Variants in EGFL6 observed in about 807,000 individuals in gnomAD.
EGFL6 encodes epidermal growth factor-like protein 6.
Under a neutral mutation model 43.1 loss-of-function variants are expected in EGFL6, and 42 were observed. The ratio of observed to expected loss-of-function variants is 0.98; its 90% CI spans 0.76 to 1.26. The LOEUF (loss-of-function observed/expected upper bound fraction) is 1.26, where lower values mean the gene tolerates loss of function less well. EGFL6 is among the 50% of genes most tolerant of loss of function. The pLI is 0.00. For synonymous variants in EGFL6, 164 were observed against 163.2 expected (o/e 1.01, Z -0.04); for missense variants, 429 against 427.8 (o/e 1.00, Z -0.02).
In EGFL6 at chrX:13,589,569, G is replaced by C; in HGVS notation, c.88G>C (p.Gly30Arg). The change falls in exon 2 of 12, where the codon GGG becomes CGG. Residue 30 changes from glycine to arginine, a missense_variant. Gly to Arg is a moderately radical substitution (Grantham distance 125). Coordinates refer to ENST00000361306, the MANE Select transcript of EGFL6 (RefSeq NM_015507.4). Reference sequence around the variant, plus strand: ...CTTTATCTGCAGTGCAAGGCATCACGGGTTGTTAGCATCGGCACGTCAGCC... The same window carrying C: ...CTTTATCTGCAGTGCAAGGCATCACCGGTTGTTAGCATCGGCACGTCAGCC... ...FGNAASARHH[G>R]LLASARQPGV... 2.5e-6 allele frequency: 3 copies of C among 1,210,040 alleles called. No homozygotes were observed. The highest frequency in any genetic ancestry group is 3.4e-6 in the Non-Finnish European group (3 of 894,403).
intron 2 of EGFL6, among the ~76,000 whole-genome samples, chrX:13,590,618 C>T (rs140147545): frequency 0.011 from 1,180 of 112,187 alleles, 13 homozygotes; most frequent in African/African-American, 0.033. Flanking sequence ...CTGCCCCAAC[C>T]TCCTTCTCTC....
intron 3 of EGFL6, among the ~76,000 whole-genome samples, chrX:13,597,492 C>T (rs771322894): frequency 8.9e-6 from 1 of 112,024 alleles, no homozygotes; most frequent in South Asian, 3.7e-4. Flanking sequence ...CTTCAAGAAT[C>T]GTGCATTCAG....
At chrX:13,626,772 A>G (rs1037744213) in intron 10 of EGFL6, among the ~76,000 whole-genome samples, 3 of 112,445 alleles carry the variant, frequency 2.7e-5, no homozygotes, top group Non-Finnish European at 5.6e-5. Context: ...TGCTTTGTGT[A>G]TGCAAAAAAT....
rs1309216600 is a variant in EGFL6 at position 13,582,062 on chromosome X, T to C, written c.75-7494T>C. On this transcript the variant is annotated intron_variant, in intron 1 of 11. Transcript: ENST00000361306. Reference sequence around the variant, plus strand: ...AAAATTAGATATTCTATTTCTTTTCTTTTTTTTTTTTTCTTTTTGAGATGG... The same window carrying C: ...AAAATTAGATATTCTATTTCTTTTCCTTTTTTTTTTTTCTTTTTGAGATGG... Among the ~76,000 whole-genome samples the C allele has an allele frequency of 1.3e-4, 9 of 67,401 alleles. No individual in the cohort carries two copies. The South Asian group carries it at 3.7e-3, about 27-fold the overall frequency. The allele number at this position is 67,401 out of a possible 115,157, so 58.5% of individuals were successfully genotyped here.
rs1256781280 is a variant in EGFL6, at chrX:13,577,321, TATATATATATATATATATATACATAC to T, written c.74+7388_74+7413del. Among the ~76,000 whole-genome samples the T allele has an allele frequency of 1.0e-3, 17 of 16,932 alleles. 1 individual carries two copies. The highest frequency in any genetic ancestry group is 2.0e-3 in the African/African-American group (14 of 6,854). 14.7% of individuals were successfully genotyped at this position (16,932 alleles called of 115,157 possible). Reference sequence around the variant, plus strand: ...TTTTATATATATATATATATATATATATATATATATATATATATATACATACACACACACACATACAGTATAGCATT... The same window carrying T: ...TTTTATATATATATATATATATATATACACACACACATACAGTATAGCATT... On this transcript the variant is annotated intron_variant, in intron 1 of 11. Transcript: ENST00000361306.
intron 6 of EGFL6, among the ~76,000 whole-genome samples, 158 bp from the exon 7 acceptor site, chrX:13,608,166 G>A (rs1332956235): frequency 9.0e-6 from 1 of 111,550 alleles, no homozygotes; most frequent in East Asian, 2.8e-4. Flanking sequence ...AGGGCTGCTG[G>A]CCAATGAGCC....
chrX:13,589,752 G>T, intron 2 of EGFL6, 84 bp downstream of exon 2: 1 of 783,914 alleles, frequency 1.3e-6, no homozygotes, highest in Non-Finnish European at 1.8e-6. Flanking sequence ...CCACAAAATT[G>T]CCAGTGGATC....
chrX:13,589,421 A>G lies in EGFL6; in HGVS notation c.75-135A>G, dbSNP rs894800590. The G allele has an allele frequency of 1.5e-5, 7 of 470,364 alleles. No individual in the cohort carries two copies. In the African/African-American group the frequency reaches 1.7e-4, roughly 12 times the overall value. 38.8% of individuals were successfully genotyped at this position (470,364 alleles called of 1,213,427 possible). ...CAACCCCAAAATTCAGGTTTTCAAA[A>G]TCTAATTTAGCACTTACTGCGGGTT... On this transcript the variant is annotated intron_variant, in intron 1 of 11. Coordinates refer to ENST00000361306, the MANE Select transcript of EGFL6 (RefSeq NM_015507.4).
At chrX:13,623,152 A>G (rs1474274003) in intron 9 of EGFL6, among the ~76,000 whole-genome samples, 5 of 109,820 alleles carry the variant, frequency 4.6e-5, no homozygotes, top group Non-Finnish European at 9.5e-5. Context: ...TTGTGCCACT[A>G]CACTCCAGCC....
At chrX:13,586,778 A>G (rs994109946) in intron 1 of EGFL6, among the ~76,000 whole-genome samples, 3 of 112,363 alleles carry the variant, frequency 2.7e-5, no homozygotes, top group African/African-American at 9.7e-5. Flanking sequence ...TTGTGCACCA[A>G]TGTTCATAGC....
intron 3 of EGFL6, among the ~76,000 whole-genome samples, chrX:13,595,876 T>C (rs1000749627): frequency 6.4e-5 from 7 of 110,075 alleles, no homozygotes; most frequent in African/African-American, 2.3e-4. Flanking sequence ...CACACCACCA[T>C]GCCTGGCTAC....
intron 4 of EGFL6, among the ~76,000 whole-genome samples, chrX:13,600,577 A>G (rs922265306): frequency 9.1e-4 from 98 of 107,331 alleles, no homozygotes; most frequent in Non-Finnish European, 1.6e-3. Flanking sequence ...GTGAGCCACC[A>G]TGCCCAGCTT....
intron 6 of EGFL6, 88 bp from the exon 7 acceptor site, chrX:13,608,233 AGTG>A: frequency 9.3e-7 from 1 of 1,076,281 alleles, no homozygotes; most frequent in Non-Finnish European, 1.3e-6. Context: ...AGGGGTGTTT[AGTG>A]CTTGGCCCTA....
intron 1 of EGFL6, among the ~76,000 whole-genome samples, chrX:13,577,979 T>TA (rs200582521): frequency 0.037 from 4,102 of 112,372 alleles, 186 homozygotes; most frequent in African/African-American, 0.13. Flanking sequence ...GGTAATGAGC[T>TA]ATAGTTTAGT....
rs755901799 is a variant in EGFL6, at chrX:13,625,885, C to CAAAAAA, written c.1286-1113_1286-1108dup. Among the ~76,000 whole-genome samples the CAAAAAA allele has an allele frequency of 2.1e-3, 66 of 30,700 alleles. 3 individuals carry two copies. The highest frequency in any genetic ancestry group is 6.7e-3 in the African/African-American group (61 of 9,069). 26.7% of individuals were successfully genotyped at this position (30,700 alleles called of 115,157 possible). On this transcript the variant is annotated intron_variant, in intron 10 of 11. Transcript: ENST00000361306. ...TGGGTGACAGAGTGAGACCCTGCCT[C>CAAAAAA]AAAAAAAAAAAAAAAAAAGAAAAAG...
intron 6 of EGFL6, 108 bp downstream of exon 6, chrX:13,606,621 T>G: frequency 1.2e-6 from 1 of 859,778 alleles, no homozygotes; most frequent in South Asian, 3.0e-5. Context: ...AACAATCTAC[T>G]GTGCTGACCA....
intron 7 of EGFL6, 86 bp downstream of exon 7, chrX:13,608,532 T>G: frequency 1.1e-5 from 12 of 1,091,849 alleles, no homozygotes; most frequent in Non-Finnish European, 1.4e-5. Flanking sequence ...TTCTCTCCTT[T>G]CTTTGTCTTC....
At chrX:13,585,554 G>T (rs1352883392) in intron 1 of EGFL6, among the ~76,000 whole-genome samples, 1 of 110,700 alleles carries the variant, frequency 9.0e-6, no homozygotes, top group African/African-American at 3.3e-5. Context: ...CCCTATTGAG[G>T]ATTATACTGA....
intron 2 of EGFL6, among the ~76,000 whole-genome samples, chrX:13,593,627 G>T (rs1251959078): frequency 8.9e-6 from 1 of 111,905 alleles, no homozygotes; most frequent in Non-Finnish European, 1.9e-5. Flanking sequence ...GGGAAAGCAG[G>T]GAGAGGGATT....
Sources: allele counts gnomAD v4.1 joint callset (sites outside exome capture counted in the v4.1 genomes callset), GRCh38; gene constraint gnomAD v4.1.1; transcripts MANE v1.5; gene names NCBI Gene and HGNC (gene_info 2026-07-23, HGNC 2026-07-21).